Variants in TMEM117 observed in about 807,000 individuals in gnomAD.
TMEM117 encodes transmembrane protein 117.
Under a neutral mutation model 52.4 loss-of-function variants are expected in TMEM117, and 27 were observed. The ratio of observed to expected loss-of-function variants is 0.51; its 90% CI spans 0.38 to 0.71. The LOEUF is 0.71. Among genes scored for constraint, TMEM117 ranks in the 30% least tolerant of loss-of-function variants. The pLI, the probability that TMEM117 is intolerant of heterozygous loss-of-function variation, is 0.00. For synonymous variants in TMEM117, 215 were observed against 206.3 expected (o/e 1.04, Z -0.36); for missense variants, 556 against 630.5 (o/e 0.88, Z 1.26).
intron 4 of TMEM117, among the ~76,000 whole-genome samples, chr12:44,188,863 T>C (rs1243868254): frequency 2.0e-5 from 3 of 152,162 alleles, no homozygotes; most frequent in Non-Finnish European, 4.4e-5. Context: ...AACTCTGTAA[T>C]TTTCGTTTGT....
At chr12:44,074,749 A>G (rs181887318) in intron 3 of TMEM117, among the ~76,000 whole-genome samples, 2 of 152,312 alleles carry the variant, frequency 1.3e-5, no homozygotes, top group East Asian at 1.9e-4. Context: ...AAAAACTGCA[A>G]TTCTTACAAA....
intron 3 of TMEM117, among the ~76,000 whole-genome samples, chr12:43,968,874 C>T (rs1945528319): frequency 6.6e-6 from 1 of 152,120 alleles, no homozygotes; most frequent in South Asian, 2.1e-4. Flanking sequence ...GCAGCCTGCA[C>T]ATGGGGAAAT....
At chr12:44,117,342 C>T (rs941437267) in intron 3 of TMEM117, among the ~76,000 whole-genome samples, 27 of 145,724 alleles carry the variant, frequency 1.9e-4, no homozygotes, top group African/African-American at 5.4e-4. Context: ...CCATAGCATA[C>T]TGTTTTTTTT....
intron 2 of TMEM117, among the ~76,000 whole-genome samples, chr12:43,865,557 C>T (rs996829121): frequency 6.6e-5 from 10 of 151,902 alleles, no homozygotes; most frequent in Admixed American, 2.6e-4. Flanking sequence ...ATTAGCCGGG[C>T]GTGGTGGTGC....
intron 6 of TMEM117, among the ~76,000 whole-genome samples, chr12:44,336,791 G>C (rs1358166375): frequency 2.0e-5 from 3 of 151,776 alleles, no homozygotes; most frequent in African/African-American, 7.3e-5. Flanking sequence ...AGTCTAGATT[G>C]TTCTTCCTTT....
intron 3 of TMEM117, among the ~76,000 whole-genome samples, chr12:44,034,885 C>T (rs967037959): frequency 2.6e-5 from 4 of 152,128 alleles, no homozygotes; most frequent in Non-Finnish European, 5.9e-5. Flanking sequence ...TTGCCCTCTC[C>T]AGTGTGAGCA....
intron 2 of TMEM117, among the ~76,000 whole-genome samples, chr12:43,912,469 C>G (rs1282240212): frequency 1.4e-5 from 2 of 146,700 alleles, no homozygotes; most frequent in East Asian, 3.9e-4. Flanking sequence ...GCGCGTTGTG[C>G]ACATGTACCC....
At chr12:44,375,978 A>C (rs1012904620) in intron 6 of TMEM117, among the ~76,000 whole-genome samples, 1 of 152,194 alleles carries the variant, frequency 6.6e-6, no homozygotes, top group Non-Finnish European at 1.5e-5. Flanking sequence ...ATGACATGGA[A>C]TTAATTCACT....
chr12:43,834,551 T>A (rs916546962), upstream of TMEM117, among the ~76,000 whole-genome samples: 5 of 152,192 alleles, frequency 3.3e-5, no homozygotes, highest in African/African-American at 9.7e-5. Context: ...TGTTAAAGCA[T>A]TACAAAAGAG....
At chr12:44,086,437 G>T (rs537938421) in intron 3 of TMEM117, among the ~76,000 whole-genome samples, 1 of 151,938 alleles carries the variant, frequency 6.6e-6, no homozygotes, top group African/African-American at 2.4e-5. Flanking sequence ...GGATGGTCTC[G>T]ATCTCCTGAC....
At chr12:44,168,082 C>A (rs975547924) in intron 4 of TMEM117, among the ~76,000 whole-genome samples, 1 of 151,856 alleles carries the variant, frequency 6.6e-6, no homozygotes, top group African/African-American at 2.4e-5. Flanking sequence ...GGTGAAACCC[C>A]GTCTCTACTA....
At chr12:43,813,747 A>G in the TMEM117 span, among the ~76,000 whole-genome samples, 1 of 152,098 alleles carries the variant, frequency 6.6e-6, no homozygotes, top group Non-Finnish European at 1.5e-5. Context: ...TCTTTCACAA[A>G]CAATAGCACA....
intron 3 of TMEM117, among the ~76,000 whole-genome samples, chr12:44,049,329 A>G (rs537885176): frequency 4.6e-5 from 7 of 152,152 alleles, no homozygotes; most frequent in South Asian, 2.1e-4. Flanking sequence ...AAAACCAAAC[A>G]CCACATGTTC....
At chr12:44,167,211 C>G (rs1182817220) in intron 4 of TMEM117, among the ~76,000 whole-genome samples, 1 of 152,112 alleles carries the variant, frequency 6.6e-6, no homozygotes. Flanking sequence ...GTTTTGCTGT[C>G]AAATCCTTGA....
rs571980019 is a variant in TMEM117, at chr12:44,213,303, AAG to A, written c.608+1918_608+1919del. On this transcript the variant is annotated intron_variant, in intron 5 of 7. Transcript: ENST00000266534. The stretch of plus-strand genomic sequence containing the variant: ...ACTAGGACTGCCTCTAGGAGAACAA[AAG>A]ATACATCAGTGTGCAAATTTCCAAA... Among the ~76,000 whole-genome samples, 12 of 152,300 alleles carry A rather than the reference AAG, an allele frequency of 7.9e-5. 1 individual carries two copies. The East Asian group carries it at 2.3e-3, about 29-fold the overall frequency.
chr12:44,246,544 T>A (rs949007032), intron 5 of TMEM117, among the ~76,000 whole-genome samples: 2 of 152,218 alleles, frequency 1.3e-5, no homozygotes, highest in Admixed American at 1.3e-4. Flanking sequence ...CATTTAGACA[T>A]GCCACTTTCT....
chr12:44,396,651 C>T, the TMEM117 span, among the ~76,000 whole-genome samples: 3 of 152,042 alleles, frequency 2.0e-5, no homozygotes, highest in African/African-American at 7.2e-5. Flanking sequence ...GTCAGGAGTT[C>T]GAGACCAGCC....
chr12:43,951,970 C>A (rs12315094), intron 3 of TMEM117, among the ~76,000 whole-genome samples: 22,563 of 152,142 alleles, frequency 0.15, 2,578 homozygotes, highest in African/African-American at 0.32. Flanking sequence ...TGTTCTGCAG[C>A]CTCCACTGGT....
chr12:44,376,979 G>A (rs1291238100), intron 7 of TMEM117, among the ~76,000 whole-genome samples: 1 of 152,164 alleles, frequency 6.6e-6, no homozygotes, highest in Non-Finnish European at 1.5e-5. Flanking sequence ...AATGGGGAAA[G>A]TGATTAAGAA....
Sources: allele counts gnomAD v4.1 joint callset (sites outside exome capture counted in the v4.1 genomes callset), GRCh38; gene constraint gnomAD v4.1.1; transcripts MANE v1.5; gene names NCBI Gene and HGNC (gene_info 2026-07-23, HGNC 2026-07-21).